LGR6: variants seen among roughly 807,000 people sequenced by gnomAD.
LGR6 encodes the protein leucine rich repeat containing G protein-coupled receptor 6.
LGR6 carries 45 observed loss-of-function variants against 69.4 expected under a neutral mutation model. The observed-to-expected ratio is 0.65, with a 90% CI of 0.51 to 0.83. The LOEUF (loss-of-function observed/expected upper bound fraction) is 0.83, where lower values mean the gene tolerates loss of function less well. LGR6 is among the 40% of genes least tolerant of loss of function. LGR6 has a pLI of 0.00. For synonymous variants in LGR6, 538 were observed against 555.0 expected (o/e 0.97, Z 0.43); for missense variants, 1,108 against 1,246.7 (o/e 0.89, Z 1.68).
At chr1:202,206,978 C>T (rs577970020) in intron 1 of LGR6, among the ~76,000 whole-genome samples, 27 of 151,772 alleles carry the variant, frequency 1.8e-4, no homozygotes, top group African/African-American at 4.1e-4. Flanking sequence ...AGTGCAATGG[C>T]GCTATCTTGG....
intron 4 of LGR6, among the ~76,000 whole-genome samples, chr1:202,255,198 G>A (rs992417337): frequency 2.0e-5 from 3 of 152,164 alleles, no homozygotes; most frequent in East Asian, 1.9e-4. Context: ...CAGGGTTTTC[G>A]TGGAGACAGA....
intron 5 of LGR6, 68 bp from the exon 6 acceptor site, chr1:202,280,713 G>GTGCT: frequency 7.3e-7 from 1 of 1,360,610 alleles, no homozygotes; most frequent in Admixed American, 1.7e-5. Context: ...ATGCCACCAT[G>GTGCT]TGCTCTTCCA....
chr1:202,246,538 A>G (rs1459630463), intron 4 of LGR6, among the ~76,000 whole-genome samples: 4 of 150,716 alleles, frequency 2.7e-5, no homozygotes, highest in Non-Finnish European at 4.4e-5. Flanking sequence ...ACTGAGATAA[A>G]TAATAAAACA....
chr1:202,260,704 C>T (rs1486183142), intron 4 of LGR6, among the ~76,000 whole-genome samples: 1 of 152,150 alleles, frequency 6.6e-6, no homozygotes, highest in Non-Finnish European at 1.5e-5. Flanking sequence ...CCCCCAAGAA[C>T]AACAGATGGC....
At chr1:202,229,251 C>T (rs1336956212) in intron 3 of LGR6, among the ~76,000 whole-genome samples, 1 of 152,184 alleles carries the variant, frequency 6.6e-6, no homozygotes, top group Non-Finnish European at 1.5e-5. Context: ...CTTTCCCTTA[C>T]TCTCTGCTCT....
intron 1 of LGR6, among the ~76,000 whole-genome samples, chr1:202,205,887 C>A: frequency 6.8e-6 from 1 of 146,352 alleles, no homozygotes; most frequent in South Asian, 2.1e-4. Context: ...GTCCTTCAAA[C>A]ACACACACAC....
chr1:202,211,211 G>C (rs910966281), intron 1 of LGR6, among the ~76,000 whole-genome samples: 6 of 152,168 alleles, frequency 3.9e-5, no homozygotes, highest in Admixed American at 6.5e-5. Flanking sequence ...GAAAGTGCTG[G>C]GGATACACAG....
At chr1:202,236,619 C>T (rs1318351002) in intron 4 of LGR6, among the ~76,000 whole-genome samples, 1 of 152,300 alleles carries the variant, frequency 6.6e-6, no homozygotes, top group Admixed American at 6.5e-5. Flanking sequence ...CAGTGGGAGC[C>T]GCTGGGCTTC....
chr1:202,195,547 G>A (rs934699400), intron 1 of LGR6, among the ~76,000 whole-genome samples: 4 of 152,212 alleles, frequency 2.6e-5, no homozygotes, highest in African/African-American at 9.7e-5. Context: ...GGTGACGGCA[G>A]AGGCAATCAT....
intron 1 of LGR6, among the ~76,000 whole-genome samples, chr1:202,209,617 A>T (rs891926651): frequency 2.0e-5 from 3 of 152,140 alleles, no homozygotes; most frequent in African/African-American, 4.8e-5. Context: ...ATACTTAGTT[A>T]AAAAAAGTGA....
At chr1:202,205,446 A>G (rs62642838) in intron 1 of LGR6, among the ~76,000 whole-genome samples, 278 of 26,880 alleles carry the variant, frequency 0.01, no homozygotes, top group Non-Finnish European at 0.014. Flanking sequence ...CCTCCTTCAA[A>G]CACACACACA....
chr1:202,305,618 C>G, intron 11 of LGR6, 66 bp from the exon 12 acceptor site: 3 of 1,389,642 alleles, frequency 2.2e-6, no homozygotes, highest in Non-Finnish European at 3.1e-6. Flanking sequence ...CTAGAGCCCC[C>G]CGTCCCCGAG....
At chr1:202,232,302 T>C (rs1370774108) in intron 3 of LGR6, among the ~76,000 whole-genome samples, 1 of 152,052 alleles carries the variant, frequency 6.6e-6, no homozygotes, top group Non-Finnish European at 1.5e-5. Flanking sequence ...TTTTTGGATG[T>C]GATGTGACAC....
chr1:202,225,196 C>T (rs967023287), intron 1 of LGR6, among the ~76,000 whole-genome samples: 1 of 152,146 alleles, frequency 6.6e-6, no homozygotes, highest in African/African-American at 2.4e-5. Flanking sequence ...AGTGGGAGAC[C>T]ATATAGAGAG....
chr1:202,262,009 G>A (rs1397294815), intron 4 of LGR6, among the ~76,000 whole-genome samples: 3 of 152,104 alleles, frequency 2.0e-5, no homozygotes, highest in Non-Finnish European at 2.9e-5. Context: ...AGTAGGTTGC[G>A]AAAATTTTCT....
intron 4 of LGR6, among the ~76,000 whole-genome samples, chr1:202,262,893 C>A (rs1231976555): frequency 1.3e-5 from 2 of 152,150 alleles, no homozygotes; most frequent in African/African-American, 4.8e-5. Flanking sequence ...TCCCATATCT[C>A]ACCTAGTTCC....
chr1:202,317,907 C>A (rs773350792), intron 17 of LGR6, 45 bp from the exon 18 acceptor site: 2 of 1,530,850 alleles, frequency 1.3e-6, no homozygotes, highest in South Asian at 1.3e-5. Context: ...AAGACCTGGT[C>A]CCACCATCCT....
intron 6 of LGR6, among the ~76,000 whole-genome samples, chr1:202,288,850 G>C (rs536131365): frequency 6.6e-6 from 1 of 152,346 alleles, no homozygotes; most frequent in East Asian, 1.9e-4. Flanking sequence ...CTCTGGGAAA[G>C]ATTATCGGGC....
intron 2 of LGR6, among the ~76,000 whole-genome samples, chr1:202,226,564 C>T (rs1660569016): frequency 6.6e-6 from 1 of 152,108 alleles, no homozygotes. Context: ...GTTTTGACCC[C>T]CAGGGCCATG....
Sources: allele counts gnomAD v4.1 joint callset (sites outside exome capture counted in the v4.1 genomes callset), GRCh38; gene constraint gnomAD v4.1.1; transcripts MANE v1.5; gene names NCBI Gene and HGNC (gene_info 2026-07-23, HGNC 2026-07-21).